Variants in KCNIP1 observed in about 807,000 individuals in gnomAD.
KCNIP1 encodes potassium voltage-gated channel interacting protein 1, also known as A-type potassium channel modulatory protein KCNIP1.
Under a neutral mutation model 33.0 loss-of-function variants are expected in KCNIP1, and 18 were observed. The observed-to-expected ratio is 0.55, with a 90% confidence interval of 0.38 to 0.81. The LOEUF is 0.81. KCNIP1 is among the 30% of genes least tolerant of loss of function. The pLI is 0.00. For missense variants in KCNIP1, 238 were observed against 271.6 expected (o/e 0.88, Z 0.87); for synonymous variants, 93 against 98.3 (o/e 0.95, Z 0.32).
At chr5:170,722,925 C>T (rs2113876981) in intron 5 of KCNIP1, 105 bp downstream of exon 5, 1 of 715,646 alleles carries the variant, frequency 1.4e-6, no homozygotes. Flanking sequence ...ATGAGGCAGG[C>T]TCTGCTTTGG....
At chr5:170,402,547 T>A (rs1034208989) in intron 1 of KCNIP1, among the ~76,000 whole-genome samples, 9 of 152,200 alleles carry the variant, frequency 5.9e-5, no homozygotes, top group African/African-American at 1.9e-4. Context: ...CCCCTGGAGT[T>A]ATCCAGCAGG....
chr5:170,683,737 T>C (rs1020663130), intron 1 of KCNIP1, among the ~76,000 whole-genome samples: 2 of 151,734 alleles, frequency 1.3e-5, no homozygotes, highest in African/African-American at 4.8e-5. Flanking sequence ...TTTTTTTTTT[T>C]CTTCGAGACT....
chr5:170,369,800 A>G (rs1763794755), intron 1 of KCNIP1, among the ~76,000 whole-genome samples: 1 of 152,222 alleles, frequency 6.6e-6, no homozygotes, highest in Non-Finnish European at 1.5e-5. Flanking sequence ...TTAATTTCCA[A>G]TTAAGCCTGA....
intron 1 of KCNIP1, among the ~76,000 whole-genome samples, chr5:170,534,257 G>A (rs1446311716): frequency 6.6e-6 from 1 of 152,144 alleles, no homozygotes; most frequent in East Asian, 1.9e-4. Flanking sequence ...CCTGATTGGT[G>A]CAGCTTCTAG....
intron 1 of KCNIP1, among the ~76,000 whole-genome samples, chr5:170,607,759 G>A (rs561592678): frequency 1.7e-3 from 258 of 152,324 alleles, no homozygotes; most frequent in Non-Finnish European, 2.7e-3. Context: ...CAAGGTCACA[G>A]AGAGGTTTGT....
At chr5:170,544,673 T>A (rs1188714121) in intron 1 of KCNIP1, among the ~76,000 whole-genome samples, 1 of 151,258 alleles carries the variant, frequency 6.6e-6, no homozygotes, top group Non-Finnish European at 1.5e-5. Context: ...ATTATTGTAT[T>A]TTTTTCCTTA....
chr5:170,722,987 T>C (rs13185109), intron 5 of KCNIP1, among the ~76,000 whole-genome samples, 167 bp downstream of exon 5: 2 of 152,178 alleles, frequency 1.3e-5, no homozygotes, highest in Non-Finnish European at 2.9e-5. Context: ...CTCATTGCCC[T>C]ACCCTGCCCT....
At chr5:170,596,825 GT>G (rs1758456153) in intron 1 of KCNIP1, among the ~76,000 whole-genome samples, 1 of 152,202 alleles carries the variant, frequency 6.6e-6, no homozygotes, top group African/African-American at 2.4e-5. Context: ...TGTCCAGGGG[GT>G]CCCCAACCAT....
chr5:170,588,891 G>A (rs768075806), intron 1 of KCNIP1, among the ~76,000 whole-genome samples: 5 of 151,908 alleles, frequency 3.3e-5, no homozygotes, highest in Non-Finnish European at 5.9e-5. Flanking sequence ...TAGGCAAGTC[G>A]CTTCCCCTCT....
intron 1 of KCNIP1, among the ~76,000 whole-genome samples, chr5:170,714,767 T>G (rs1210520029): frequency 6.6e-6 from 1 of 152,120 alleles, no homozygotes; most frequent in East Asian, 1.9e-4. Flanking sequence ...AAAAATATTT[T>G]TGTACAGCTA....
In KCNIP1 at chr5:170,589,776, T is replaced by TGC. The variant is rs1267152678; in HGVS notation, c.61+85144_61+85145insCG. On this transcript the variant is annotated intron_variant, in intron 1 of 7. Transcript: ENST00000328939. ...TGGTGTGGTGTGGTGTGGTGTGGTG[T>TGC]GGTGTGATGTGATGTGGTGTGCGGT... Among the ~76,000 whole-genome samples, 1,421 of 144,046 alleles carry TGC rather than the reference T, an allele frequency of 9.9e-3. 26 individuals are homozygous for TGC. Among genetic ancestry groups the TGC allele is most frequent in the African/African-American group, 0.034 (1,273 of 37,430 alleles). The allele number at this position is 144,046 out of a possible 152,430, so 94.5% of individuals were successfully genotyped here. A position where few individuals can be genotyped will look rare whatever the true frequency, so the allele number is the denominator to read the frequency against.
intron 1 of KCNIP1, among the ~76,000 whole-genome samples, chr5:170,358,830 G>C (rs1763420107): frequency 6.6e-6 from 1 of 152,282 alleles, no homozygotes; most frequent in East Asian, 1.9e-4. Flanking sequence ...CCCCTGGTGA[G>C]TGGCAGAGCT....
intron 1 of KCNIP1, chr5:170,385,215 A>T: frequency 4.6e-6 from 6 of 1,301,086 alleles, no homozygotes; most frequent in Non-Finnish European, 6.6e-6. Context: ...GCCTTGAATG[A>T]GGGTCAAGGA....
chr5:170,623,579 C>T (rs1759696470), intron 1 of KCNIP1, among the ~76,000 whole-genome samples: 1 of 152,140 alleles, frequency 6.6e-6, no homozygotes, highest in Non-Finnish European at 1.5e-5. Context: ...GAGGCAAATA[C>T]ACCCTCCTTT....
chr5:170,735,646 T>C (rs1255422632), intron 7 of KCNIP1, 113 bp from the exon 8 acceptor site: 20 of 890,992 alleles, frequency 2.2e-5, no homozygotes, highest in Admixed American at 2.2e-4. Context: ...TTCATACCCT[T>C]GTAGAGTTTT....
At chr5:170,368,040 T>G (rs61458017) in intron 1 of KCNIP1, among the ~76,000 whole-genome samples, 23,337 of 152,248 alleles carry the variant, frequency 0.15, 1,880 homozygotes, top group East Asian at 0.21. Context: ...AATATTAAAC[T>G]GTTGAAAAAT....
chr5:170,471,931 A>G (rs1756737971), intron 1 of KCNIP1, among the ~76,000 whole-genome samples: 1 of 152,200 alleles, frequency 6.6e-6, no homozygotes, highest in Admixed American at 6.5e-5. Context: ...CATCTCCGTC[A>G]GAGGCCTCCT....
chr5:170,567,026 A>G (rs1027994620), intron 1 of KCNIP1, among the ~76,000 whole-genome samples: 1 of 152,228 alleles, frequency 6.6e-6, no homozygotes, highest in Non-Finnish European at 1.5e-5. Context: ...TAGAAAAGCT[A>G]GAAACAGAAA....
intron 1 of KCNIP1, among the ~76,000 whole-genome samples, chr5:170,408,469 T>C (rs1337936918): frequency 2.0e-5 from 3 of 152,180 alleles, no homozygotes; most frequent in African/African-American, 7.2e-5. Context: ...TGTCTGTGAT[T>C]TCCAAGAGCG....
Sources: allele counts gnomAD v4.1 joint callset (sites outside exome capture counted in the v4.1 genomes callset), GRCh38; gene constraint gnomAD v4.1.1; transcripts MANE v1.5; gene names NCBI Gene and HGNC (gene_info 2026-07-23, HGNC 2026-07-21).